Variants in ERBB4 observed in about 807,000 individuals in gnomAD.
ERBB4 encodes the protein receptor tyrosine-protein kinase erbB-4.
Under a neutral mutation model 158.0 loss-of-function variants are expected in ERBB4, and 42 were observed. That is an observed-to-expected ratio of 0.27 (90% confidence interval 0.21 to 0.34). ERBB4 has a LOEUF of 0.34. ERBB4 is among the 10% of genes least tolerant of loss of function. The probability of loss-of-function intolerance (pLI) is 1.00; values close to 1 mark genes in which losing one functional copy is unlikely to be tolerated. For synonymous variants in ERBB4, 583 were observed against 558.7 expected, an observed-to-expected ratio of 1.04 and a Z score of -0.61; for missense variants, 1,333 against 1,624.1, an observed-to-expected ratio of 0.82 and a Z score of 3.08.
chr2:211,915,634 C>T (rs2079668399), intron 3 of ERBB4, among the ~76,000 whole-genome samples: 1 of 150,956 alleles, frequency 6.6e-6, no homozygotes, highest in Admixed American at 6.6e-5. Context: ...CTTGGAATGA[C>T]AAAAAAACAA....
chr2:211,648,196 T>C (rs1018860170), intron 16 of ERBB4, among the ~76,000 whole-genome samples: 2 of 151,792 alleles, frequency 1.3e-5, no homozygotes, highest in African/African-American at 4.8e-5. Flanking sequence ...TAAAATTTGT[T>C]CCATTTTCTT....
chr2:211,857,144 T>C (rs1286592266), intron 3 of ERBB4, among the ~76,000 whole-genome samples: 1 of 145,630 alleles, frequency 6.9e-6, no homozygotes, highest in African/African-American at 2.5e-5. Flanking sequence ...ACTCTGTGTA[T>C]ATCTCTGTGT....
intron 2 of ERBB4, among the ~76,000 whole-genome samples, chr2:212,121,055 C>T (rs1316398698): frequency 6.6e-6 from 1 of 152,084 alleles, no homozygotes; most frequent in East Asian, 1.9e-4. Flanking sequence ...AAATGGAGAG[C>T]TTTGTAGCAT....
intron 20 of ERBB4, among the ~76,000 whole-genome samples, chr2:211,553,034 T>C (rs1016591498): frequency 6.6e-6 from 1 of 151,850 alleles, no homozygotes; most frequent in Non-Finnish European, 1.5e-5. Context: ...AGTGGCATGA[T>C]CTCGGCTCAC....
rs184145497 is a variant in ERBB4, at chr2:211,523,984, G to A, written c.2487+37919C>T. 9.7e-4 allele frequency among the ~76,000 whole-genome samples: 147 copies of A among 152,106 alleles called. 1 individual carries two copies. Among genetic ancestry groups the A allele is most frequent in the African/African-American group, 3.4e-3 (141 of 41,534 alleles). ...CCAGATTAGCTAGATACAGAATGTT[G>A]ACACAAAGGTTCTCCAAGGCCCCAC... On this transcript the variant is annotated intron_variant, in intron 20 of 27. Coordinates refer to ENST00000342788, the MANE Select transcript of ERBB4 (RefSeq NM_005235.3).
At chr2:211,599,425 A>G (rs569726247) in intron 19 of ERBB4, among the ~76,000 whole-genome samples, 5 of 152,068 alleles carry the variant, frequency 3.3e-5, no homozygotes, top group African/African-American at 9.6e-5. Flanking sequence ...TGGAATAAAA[A>G]TATAACTGGT....
chr2:211,475,044 A>G (rs2064921149), intron 20 of ERBB4, among the ~76,000 whole-genome samples: 1 of 151,948 alleles, frequency 6.6e-6, no homozygotes, highest in Non-Finnish European at 1.5e-5. Flanking sequence ...GACAGGAAAG[A>G]CTCATAATTG....
intron 14 of ERBB4, among the ~76,000 whole-genome samples, chr2:211,672,699 CAT>C (rs2071888072): frequency 6.6e-6 from 1 of 152,186 alleles, no homozygotes; most frequent in African/African-American, 2.4e-5. Context: ...TTTACATTTG[CAT>C]ATGTTTATAT....
intron 2 of ERBB4, among the ~76,000 whole-genome samples, chr2:212,054,246 G>C (rs1180122953): frequency 6.6e-6 from 1 of 152,168 alleles, no homozygotes; most frequent in Non-Finnish European, 1.5e-5. Flanking sequence ...AAGAAATTTG[G>C]AGAGTAAGAA....
At chr2:211,820,110 C>G (rs1265702468) in intron 3 of ERBB4, among the ~76,000 whole-genome samples, 1 of 151,694 alleles carries the variant, frequency 6.6e-6, no homozygotes, top group Non-Finnish European at 1.5e-5. Context: ...GGTACATAAA[C>G]AGATAATTCA....
At position 212,239,848 on chromosome 2, in the gene ERBB4, C is replaced by T. The variant is rs2084016750; in HGVS notation, c.83-114945G>A. Reference sequence around the variant, plus strand: ...TTTTTATCCTGTCAGAACTCTAATCCTAAAGGAATTAAATAACAAGCTTTT... The same window carrying T: ...TTTTTATCCTGTCAGAACTCTAATCTTAAAGGAATTAAATAACAAGCTTTT... On this transcript the variant is annotated intron_variant, in intron 1 of 27. Transcript: ENST00000342788. 2.0e-5 allele frequency among the ~76,000 whole-genome samples: 3 copies of T among 151,984 alleles called. No individual in the cohort carries two copies. The South Asian group carries it at 6.2e-4, about 32-fold the overall frequency.
intron 2 of ERBB4, among the ~76,000 whole-genome samples, chr2:212,016,729 C>A (rs2076537797): frequency 6.6e-6 from 1 of 151,614 alleles, no homozygotes; most frequent in Admixed American, 6.6e-5. Context: ...GTGGTGTTAC[C>A]CACATATTAA....
intron 1 of ERBB4, among the ~76,000 whole-genome samples, chr2:212,275,987 C>T (rs1011310363): frequency 2.0e-5 from 3 of 151,756 alleles, no homozygotes; most frequent in African/African-American, 7.2e-5. Context: ...GAAACTTTCA[C>T]TTTGTTTCTA....
rs145206646 is a variant in ERBB4 at position 211,584,545 on chromosome 2, T to A, written c.2302-22457A>T. Among the ~76,000 whole-genome samples the A allele has an allele frequency of 6.9e-3, 1,048 of 152,204 alleles. 14 individuals carry two copies. The highest frequency in any genetic ancestry group is 0.024 in the African/African-American group (996 of 41,554). On this transcript the variant is annotated intron_variant, in intron 19 of 27. Coordinates refer to ENST00000342788, the MANE Select transcript of ERBB4 (RefSeq NM_005235.3). The stretch of plus-strand genomic sequence containing the variant: ...TGATCCGTGAAAAGAGTGTGATATA[T>A]TTTGATTTAGAACATAGATCAAAAT...
At chr2:212,245,198 T>C (rs1021491670) in intron 1 of ERBB4, among the ~76,000 whole-genome samples, 1 of 152,032 alleles carries the variant, frequency 6.6e-6, no homozygotes, top group African/African-American at 2.4e-5. Flanking sequence ...GTAAAAAGAG[T>C]TGAAAAAAAA....
chr2:211,566,544 G>C (rs993327187), intron 19 of ERBB4, among the ~76,000 whole-genome samples: 4 of 152,056 alleles, frequency 2.6e-5, no homozygotes, highest in African/African-American at 7.2e-5. Flanking sequence ...TTGAAATAAA[G>C]CAAAGCAATG....
intron 2 of ERBB4, among the ~76,000 whole-genome samples, chr2:212,008,934 C>T (rs1318800278): frequency 6.6e-6 from 1 of 152,084 alleles, no homozygotes; most frequent in African/African-American, 2.4e-5. Context: ...TTTATCTTAG[C>T]CCCTGTGGAC....
At chr2:211,849,549 G>T (rs2077668106) in intron 3 of ERBB4, among the ~76,000 whole-genome samples, 1 of 151,754 alleles carries the variant, frequency 6.6e-6, no homozygotes, top group Admixed American at 6.6e-5. Context: ...TAGGTATATG[G>T]TGCTAACTCT....
intron 3 of ERBB4, among the ~76,000 whole-genome samples, chr2:211,944,892 G>C (rs2080636336): frequency 6.6e-6 from 1 of 152,102 alleles, no homozygotes; most frequent in African/African-American, 2.4e-5. Context: ...ATGTAATACA[G>C]TATGGTAGAT....
Sources: gnomAD v4.1 joint callset for allele counts (sites outside exome capture counted in the v4.1 genomes callset) on GRCh38, gnomAD v4.1.1 for gene constraint, MANE v1.5 for transcripts, NCBI Gene and HGNC (gene_info 2026-07-23, HGNC 2026-07-21) for gene names.